The following LRBA variants were observed in gnomAD, a reference collection of about 807,000 sequenced individuals.
The protein encoded by LRBA is lipopolysaccharide-responsive and beige-like anchor protein.
In LRBA, 176 loss-of-function variants were observed where a neutral mutation model predicts 330.0. That is an observed-to-expected ratio of 0.53 (90% CI 0.47 to 0.60). The LOEUF is 0.60. LRBA is among the 20% of genes least tolerant of loss of function. The probability of loss-of-function intolerance (pLI) is 0.00; values close to 1 mark genes in which losing one functional copy is unlikely to be tolerated. For synonymous variants in LRBA, 1,230 were observed against 1,193.0 expected (o/e 1.03, Z -0.64); for missense variants, 3,259 against 3,444.8 (o/e 0.95, Z 1.35).
chr4:150,677,618 G>T (rs890191454), intron 37 of LRBA, among the ~76,000 whole-genome samples: 2 of 151,862 alleles, frequency 1.3e-5, no homozygotes, highest in Admixed American at 6.6e-5. Flanking sequence ...AAATTATGTG[G>T]TTTTTTGCTT....
chr4:150,805,706 G>GA lies in LRBA; in HGVS notation c.5518+564dup, dbSNP rs564762980. On this transcript the variant is annotated intron_variant, in intron 33 of 56. Transcript: ENST00000651943. ...AAGGAAAGGAAAGGAGAAGGAGAAG[G>GA]AAAGGACCCATTATTCCTCATCCAC... is the stretch of plus-strand genomic sequence containing the variant. Among the ~76,000 whole-genome samples the GA allele has an allele frequency of 2.6e-4, 40 of 151,780 alleles. No homozygotes were observed. The South Asian group carries it at 5.0e-3, about 19-fold the overall frequency.
At chr4:150,719,817 A>C (rs1342527644) in intron 36 of LRBA, among the ~76,000 whole-genome samples, 1 of 152,166 alleles carries the variant, frequency 6.6e-6, no homozygotes, top group Non-Finnish European at 1.5e-5. Flanking sequence ...GAAATTGAAA[A>C]ATGCGGCTGA....
At chr4:150,921,112 C>G in intron 5 of LRBA, 86 bp downstream of exon 5, 1 of 797,140 alleles carries the variant, frequency 1.3e-6, no homozygotes, top group East Asian at 2.5e-5. Context: ...TAGCACAGAA[C>G]CTGTCAGGGG....
intron 2 of LRBA, among the ~76,000 whole-genome samples, chr4:150,956,355 G>T (rs1737550116): frequency 6.8e-6 from 1 of 147,264 alleles, no homozygotes; most frequent in African/African-American, 2.7e-5. Context: ...CCTACAACAA[G>T]AATTAAATTA....
chr4:150,466,168 A>G (rs960463329), intron 44 of LRBA, among the ~76,000 whole-genome samples: 2 of 152,064 alleles, frequency 1.3e-5, no homozygotes, highest in African/African-American at 4.8e-5. Flanking sequence ...GAAAATGTTA[A>G]CCTTCGTTTT....
chr4:150,962,578 G>C (rs578173591), intron 2 of LRBA, among the ~76,000 whole-genome samples: 3 of 149,080 alleles, frequency 2.0e-5, no homozygotes, highest in Non-Finnish European at 4.4e-5. Context: ...AGGAAGTTCT[G>C]AGTAAGAAAA....
intron 35 of LRBA, among the ~76,000 whole-genome samples, chr4:150,752,725 CT>C (rs1473629251): frequency 6.6e-6 from 1 of 152,070 alleles, no homozygotes; most frequent in East Asian, 1.9e-4. Context: ...TCACATCAAC[CT>C]GTTTTTCCAA....
At position 150,964,079 on chromosome 4, in the gene LRBA, G is replaced by A. The variant is rs187953710; in HGVS notation, c.217-35014C>T. On this transcript the variant is annotated intron_variant, in intron 2 of 56. Coordinates refer to ENST00000651943, the MANE Select transcript of LRBA (RefSeq NM_001364905.1). ...CCTCCGCCCGGCAGCCTCCCCGTCC[G>A]GGAAGTGAGGAGCGTCTCCGCCCGG... Among the ~76,000 whole-genome samples, 234 of 146,934 alleles carry A rather than the reference G, an allele frequency of 1.6e-3. 5 individuals are homozygous for A. Among genetic ancestry groups the A allele is most frequent in the South Asian group, 0.012 (58 of 4,714 alleles).
At chr4:151,008,641 T>C (rs1338134434) in intron 2 of LRBA, among the ~76,000 whole-genome samples, 2 of 151,890 alleles carry the variant, frequency 1.3e-5, no homozygotes, top group Non-Finnish European at 2.9e-5. Flanking sequence ...AAACTCATGT[T>C]ATTCAAGAGT....
intron 2 of LRBA, among the ~76,000 whole-genome samples, chr4:150,956,147 G>A (rs1437000573): frequency 6.7e-6 from 1 of 148,776 alleles, no homozygotes; most frequent in Non-Finnish European, 1.5e-5. Context: ...GACTAACCAA[G>A]AAGAAAAGAG....
Position 150,908,826 on chromosome 4 carries a change from A to C in LRBA, c.1193T>G (p.Leu398Arg). Residue 398 changes from leucine (L) to arginine (R), a missense_variant, in exon 10 of 57, where the codon CTT becomes CGT. Coordinates refer to ENST00000651943, the MANE Select transcript of LRBA (RefSeq NM_001364905.1). ...GTFKFKAESDLFLAEHHKLLL... is the reference protein window; with the variant it reads ...GTFKFKAESDRFLAEHHKLLL... ...AAGTTTGTGATGCTCAGCAAGGAAA[A>C]GGTCGCTTTCTGCTTTGAATTTAAA... 1 of 1,613,534 alleles carries C rather than the reference A, an allele frequency of 6.2e-7. No homozygotes were observed. Among genetic ancestry groups the C allele is most frequent in the East Asian group, 2.2e-5 (1 of 44,860 alleles).
Position 150,916,529 on chromosome 4 carries a change from TATAAAGA to T in LRBA, c.768-9_768-3del. 2 of 1,611,798 alleles carry T rather than the reference TATAAAGA, an allele frequency of 1.2e-6. No homozygotes were observed. Among genetic ancestry groups the T allele is most frequent in the Non-Finnish European group, 1.7e-6 (2 of 1,179,414 alleles). On this transcript the variant is annotated splice_polypyrimidine_tract_variant and splice_region_variant and intron_variant, in intron 6 of 56. Transcript: ENST00000651943. ...CCAAGACCTTTGCTGGTTCTGAAAC[TATAAAGA>T]ATAGTTTTCATTTTACCTCTAAATA... is the stretch of plus-strand genomic sequence containing the variant.
rs114020219 is a variant in LRBA at position 150,268,689 on chromosome 4, G to C, written c.8469-2877C>G. ...CATCTCAACTGATGCTGGAAAATTT[G>C]ACATGTGACAAAATTCATCATCCTT... is the stretch of plus-strand genomic sequence containing the variant. On this transcript the variant is annotated intron_variant, in intron 56 of 56. Transcript: ENST00000651943. Among the ~76,000 whole-genome samples the C allele has an allele frequency of 6.4e-3, 978 of 152,218 alleles. 8 individuals carry two copies. The highest frequency in any genetic ancestry group is 0.02 in the Middle Eastern group (6 of 294).
chr4:150,985,673 T>C (rs958765279), intron 2 of LRBA, among the ~76,000 whole-genome samples: 2 of 152,058 alleles, frequency 1.3e-5, no homozygotes, highest in African/African-American at 4.8e-5. Context: ...TAATTTTTTA[T>C]ATTTTTATTA....
chr4:150,280,238 C>G (rs1253121141), intron 55 of LRBA, among the ~76,000 whole-genome samples: 4 of 152,302 alleles, frequency 2.6e-5, no homozygotes, highest in African/African-American at 9.6e-5. Context: ...GCCTCCGCAT[C>G]CAGGTTGGGT....
At chr4:150,715,444 T>G (rs561124114) in intron 36 of LRBA, among the ~76,000 whole-genome samples, 13 of 152,138 alleles carry the variant, frequency 8.5e-5, no homozygotes, top group South Asian at 8.3e-4. Flanking sequence ...AATAAAATAA[T>G]AAAAACAAAC....
intron 34 of LRBA, among the ~76,000 whole-genome samples, chr4:150,767,666 G>A (rs534181229): frequency 6.6e-6 from 1 of 151,198 alleles, no homozygotes; most frequent in South Asian, 2.1e-4. Context: ...GCTGAGGCAG[G>A]AGAATGGCGT....
At chr4:150,733,746 T>C (rs1359111909) in intron 36 of LRBA, among the ~76,000 whole-genome samples, 1 of 152,160 alleles carries the variant, frequency 6.6e-6, no homozygotes, top group Non-Finnish European at 1.5e-5. Flanking sequence ...GTCATATTTA[T>C]GAATACACTG....
intron 37 of LRBA, among the ~76,000 whole-genome samples, chr4:150,663,550 T>C (rs1437249371): frequency 2.0e-5 from 3 of 148,152 alleles, no homozygotes; most frequent in Admixed American, 6.7e-5. Flanking sequence ...CCACTTATGC[T>C]GAAAAAAAAA....
Sources: allele counts gnomAD v4.1 joint callset (sites outside exome capture counted in the v4.1 genomes callset), GRCh38; gene constraint gnomAD v4.1.1; transcripts MANE v1.5; gene names NCBI Gene and HGNC (gene_info 2026-07-23, HGNC 2026-07-21).